PDE4B: variants seen among roughly 807,000 people sequenced by gnomAD.
PDE4B encodes the protein 3',5'-cyclic-AMP phosphodiesterase 4B.
Under a neutral mutation model 82.2 loss-of-function variants are expected in PDE4B, and 20 were observed. The ratio of observed to expected loss-of-function variants is 0.24; its 90% CI spans 0.17 to 0.35. PDE4B has a LOEUF of 0.35. PDE4B is among the 10% of genes least tolerant of loss of function. PDE4B has a pLI of 1.00. For synonymous variants in PDE4B, 320 were observed against 318.9 expected, an observed-to-expected ratio of 1.00 and a Z score of -0.04; for missense variants, 655 against 907.2, an observed-to-expected ratio of 0.72 and a Z score of 3.57.
chr1:66,240,697 C>T (rs1268249576), intron 3 of PDE4B, among the ~76,000 whole-genome samples: 3 of 152,356 alleles, frequency 2.0e-5, no homozygotes, highest in African/African-American at 7.2e-5. Flanking sequence ...AGAACAGTGC[C>T]TTGTTTCATA....
chr1:65,844,353 T>C (rs927210511), intron 1 of PDE4B, among the ~76,000 whole-genome samples: 5 of 152,204 alleles, frequency 3.3e-5, no homozygotes, highest in African/African-American at 1.2e-4. Context: ...TGAAGAGGAA[T>C]AAAAGTAGTG....
In PDE4B at chr1:66,030,228, T is replaced by C. The variant is rs1421857943; in HGVS notation, c.281+111393T>C. 2.6e-5 allele frequency among the ~76,000 whole-genome samples: 4 copies of C among 152,194 alleles called. No homozygotes were observed. In the East Asian group the frequency reaches 5.8e-4, roughly 22 times the overall value. ...ACTTGATTGTGGTGAATAAACCTTT[T>C]GATGTGCTGCTGGACCTGGTTTTCT... On this transcript the variant is annotated intron_variant, in intron 3 of 16. Transcript: ENST00000341517.
intron 3 of PDE4B, among the ~76,000 whole-genome samples, chr1:66,219,001 T>A (rs1473012450): frequency 2.0e-5 from 3 of 152,212 alleles, no homozygotes; most frequent in Non-Finnish European, 4.4e-5. Flanking sequence ...TTTGATAGCA[T>A]CAGTGTTCCT....
intron 1 of PDE4B, among the ~76,000 whole-genome samples, chr1:65,827,910 A>AG (rs1324448120): frequency 6.6e-6 from 1 of 152,184 alleles, no homozygotes; most frequent in Non-Finnish European, 1.5e-5. Context: ...CAAAGGAAAA[A>AG]AGTCATATTA....
At chr1:66,372,069 A>G (rs778263802) in intron 16 of PDE4B, among the ~76,000 whole-genome samples, 2 of 152,234 alleles carry the variant, frequency 1.3e-5, no homozygotes, top group Non-Finnish European at 2.9e-5. Flanking sequence ...TTTAATCTCA[A>G]TAAGTCGTAG....
At chr1:65,900,945 T>G (rs557531155) in intron 1 of PDE4B, among the ~76,000 whole-genome samples, 126 of 152,278 alleles carry the variant, frequency 8.3e-4, no homozygotes, top group African/African-American at 2.6e-3. Context: ...TAACTTTTAT[T>G]TCTTTCTTTT....
intron 1 of PDE4B, among the ~76,000 whole-genome samples, chr1:65,818,362 T>C (rs1645909495): frequency 6.6e-6 from 1 of 152,198 alleles, no homozygotes; most frequent in Non-Finnish European, 1.5e-5. Context: ...TGTGATCTTT[T>C]CATGCTTTTG....
intron 3 of PDE4B, among the ~76,000 whole-genome samples, chr1:66,172,243 C>G (rs527719537): frequency 6.6e-6 from 1 of 152,168 alleles, no homozygotes; most frequent in Non-Finnish European, 1.5e-5. Context: ...AGGATGATGG[C>G]CTCCAGCTGC....
chr1:66,144,225 A>G (rs1646227148), intron 3 of PDE4B, among the ~76,000 whole-genome samples: 1 of 152,214 alleles, frequency 6.6e-6, no homozygotes, highest in African/African-American at 2.4e-5. Context: ...ACTGCACGTT[A>G]TTACATCCAT....
At chr1:66,310,795 G>C (rs552416886) in intron 7 of PDE4B, among the ~76,000 whole-genome samples, 1 of 152,234 alleles carries the variant, frequency 6.6e-6, no homozygotes, top group African/African-American at 2.4e-5. Flanking sequence ...GAGGTTCCTG[G>C]CTGACACTTA....
At chr1:66,109,964 A>C (rs1645447733) in intron 3 of PDE4B, among the ~76,000 whole-genome samples, 1 of 151,968 alleles carries the variant, frequency 6.6e-6, no homozygotes, top group Admixed American at 6.6e-5. Context: ...CAGTACTCTT[A>C]AAATAGAGAT....
intron 1 of PDE4B, among the ~76,000 whole-genome samples, chr1:65,911,183 A>T (rs1647086159): frequency 2.0e-5 from 3 of 152,210 alleles, no homozygotes; most frequent in South Asian, 4.2e-4. Flanking sequence ...AGACCTACTG[A>T]TGTTACCCTG....
chr1:65,880,412 C>T (rs1240589483), intron 1 of PDE4B, among the ~76,000 whole-genome samples: 1 of 152,194 alleles, frequency 6.6e-6, no homozygotes, highest in Non-Finnish European at 1.5e-5. Flanking sequence ...GTTGATCTCT[C>T]TAGGACCTCT....
intron 3 of PDE4B, among the ~76,000 whole-genome samples, chr1:66,103,330 C>G (rs1220572264): frequency 6.6e-6 from 1 of 152,074 alleles, no homozygotes; most frequent in African/African-American, 2.4e-5. Flanking sequence ...ATGTATTTCT[C>G]CAAAGAGTTG....
At chr1:66,059,435 G>A (rs1394278638) in intron 3 of PDE4B, among the ~76,000 whole-genome samples, 2 of 152,150 alleles carry the variant, frequency 1.3e-5, no homozygotes, top group Non-Finnish European at 2.9e-5. Context: ...GTATTAGTCT[G>A]CTTTCATGCT....
chr1:65,927,648 A>G (rs1311961262), intron 3 of PDE4B, among the ~76,000 whole-genome samples: 1 of 151,820 alleles, frequency 6.6e-6, no homozygotes, highest in African/African-American at 2.4e-5. Context: ...CAAATGGGAG[A>G]GTTGAATGGG....
At chr1:66,309,563 C>G (rs923371865) in intron 7 of PDE4B, among the ~76,000 whole-genome samples, 1 of 152,148 alleles carries the variant, frequency 6.6e-6, no homozygotes, top group Non-Finnish European at 1.5e-5. Flanking sequence ...TACCCAGATA[C>G]GTAGCACCAC....
chr1:66,075,611 G>T (rs1656387122), intron 3 of PDE4B, among the ~76,000 whole-genome samples: 1 of 151,972 alleles, frequency 6.6e-6, no homozygotes, highest in Non-Finnish European at 1.5e-5. Context: ...TTTTAGGAAA[G>T]ATCTTATCTA....
intron 3 of PDE4B, among the ~76,000 whole-genome samples, chr1:66,037,583 C>G (rs888869413): frequency 6.6e-6 from 1 of 152,040 alleles, no homozygotes; most frequent in African/African-American, 2.4e-5. Flanking sequence ...TTTACTTCAT[C>G]ATTTCCTATT....
Sources: allele counts gnomAD v4.1 joint callset (sites outside exome capture counted in the v4.1 genomes callset), GRCh38; gene constraint gnomAD v4.1.1; transcripts MANE v1.5; gene names NCBI Gene and HGNC (gene_info 2026-07-23, HGNC 2026-07-21).